The following UBR2 variants were observed in gnomAD, a reference collection of about 807,000 sequenced individuals.
The protein encoded by UBR2 is ubiquitin protein ligase E3 component n-recognin 2.
A neutral mutation model predicts 247.9 loss-of-function variants in UBR2; 92 were observed. That is an observed-to-expected ratio of 0.37 (90% CI 0.31 to 0.44). UBR2 has a LOEUF of 0.44. UBR2 is among the 20% of genes least tolerant of loss of function. UBR2 has a pLI of 1.00. For missense variants in UBR2, 1,613 were observed against 2,112.6 expected (o/e 0.76, Z 4.64); for synonymous variants, 672 against 693.5 (o/e 0.97, Z 0.49).
At position 42,689,707 on chromosome 6, in the gene UBR2, G is replaced by A; in HGVS notation, c.5126+37G>A. ...TCCTGAGTTAGCTAACTCAGGGCCTGCAGCGCCCTTCCGTATGTGGTGACG... is the reference window on the plus strand; with the variant it reads ...TCCTGAGTTAGCTAACTCAGGGCCTACAGCGCCCTTCCGTATGTGGTGACG... On this transcript the variant is annotated intron_variant, in intron 46 of 46. Transcript: ENST00000372901. This position sits in a 1 kb window ranked among gnomAD's most constrained non-coding sequence, Gnocchi z 4.0. 1 of 1,576,554 alleles carries A rather than the reference G, an allele frequency of 6.3e-7. No homozygotes were observed. The highest frequency in any genetic ancestry group is 8.7e-7 in the Non-Finnish European group (1 of 1,146,156).
chr6:42,691,000 C>T, intron 46 of UBR2, 32 bp from the exon 47 acceptor site: 6 of 1,612,552 alleles, frequency 3.7e-6, no homozygotes, highest in South Asian at 1.1e-5. Flanking sequence ...AAACAGAACA[C>T]ATTCTGAGTG....
chr6:42,681,134 G>A (rs1457477221), intron 42 of UBR2, among the ~76,000 whole-genome samples: 1 of 144,444 alleles, frequency 6.9e-6, no homozygotes, highest in African/African-American at 2.6e-5. Context: ...CTGCACTCCA[G>A]CCTGGGGGAC....
intron 25 of UBR2, among the ~76,000 whole-genome samples, chr6:42,654,106 A>G (rs904558075): frequency 2.0e-5 from 3 of 152,144 alleles, no homozygotes; most frequent in South Asian, 2.1e-4. Context: ...CTGAGTAGCT[A>G]TCATTCTTTC....
Position 42,689,776 on chromosome 6 carries a change from T to A in UBR2, c.5126+106T>A. The A allele has an allele frequency of 9.9e-7, 1 of 1,005,546 alleles. No homozygotes were observed. Among genetic ancestry groups the A allele is most frequent in the Non-Finnish European group, 1.6e-6 (1 of 641,616 alleles). The allele number at this position is 1,005,546 out of a possible 1,614,324, so 62.3% of individuals were successfully genotyped here. On this transcript the variant is annotated intron_variant, in intron 46 of 46. Coordinates refer to ENST00000372901, the MANE Select transcript of UBR2 (RefSeq NM_001363705.2). This position sits in a 1 kb window ranked among gnomAD's most constrained non-coding sequence, Gnocchi z 4.0. ...GAGGTGGTTCTGGAAGAGGTGGCTG[T>A]GTTATCTGTGGAGTCTTCCAAGGAG...
intron 44 of UBR2, among the ~76,000 whole-genome samples, chr6:42,687,677 A>T (rs996362186): frequency 6.6e-6 from 1 of 152,038 alleles, no homozygotes; most frequent in Non-Finnish European, 1.5e-5. Flanking sequence ...AGTAGCTGGG[A>T]CTACAGGTGC....
chr6:42,658,463 T>C, intron 28 of UBR2, 143 bp downstream of exon 28: 1 of 1,110,900 alleles, frequency 9.0e-7, no homozygotes, highest in Non-Finnish European at 1.3e-6. Flanking sequence ...CTATTTGTTG[T>C]AGCAATTTTT....
chr6:42,607,710 C>T (rs1181560638), intron 7 of UBR2, among the ~76,000 whole-genome samples: 2 of 52,892 alleles, frequency 3.8e-5, no homozygotes, highest in Admixed American at 1.8e-4. Flanking sequence ...CCACTCCCAG[C>T]TGTTTTTTTT....
intron 7 of UBR2, among the ~76,000 whole-genome samples, chr6:42,610,886 C>G (rs1212441763): frequency 6.7e-6 from 1 of 148,572 alleles, no homozygotes; most frequent in Non-Finnish European, 1.5e-5. Flanking sequence ...GCTCTTGTTG[C>G]TCAGGTTGGA....
chr6:42,643,622 C>T lies in UBR2; in HGVS notation c.2098-592C>T, dbSNP rs552404017. On this transcript the variant is annotated intron_variant, in intron 18 of 46. Coordinates refer to ENST00000372901, the MANE Select transcript of UBR2 (RefSeq NM_001363705.2). ...AAAAATAAATAAATAAAAATAAAGT[C>T]AAGAAATGTATATTTCAAAAAAATA... 2.0e-5 allele frequency among the ~76,000 whole-genome samples: 3 copies of T among 151,978 alleles called. No individual in the cohort carries two copies. The East Asian group carries it at 5.8e-4, about 29-fold the overall frequency.
chr6:42,671,780 A>G (rs1282732075), intron 36 of UBR2, among the ~76,000 whole-genome samples: 2 of 152,050 alleles, frequency 1.3e-5, no homozygotes, highest in East Asian at 3.9e-4. Flanking sequence ...GTCATTTTTA[A>G]ACCTCCAGAG....
At position 42,659,922 on chromosome 6, in the gene UBR2, C is replaced by T. The variant is rs927047383; in HGVS notation, c.3442+67C>T. 6 of 1,493,998 alleles carry T rather than the reference C, an allele frequency of 4.0e-6. No individual in the cohort carries two copies. The highest frequency in any genetic ancestry group is 2.8e-5 in the African/African-American group (2 of 71,680). The allele number at this position is 1,493,998 out of a possible 1,614,324, so 92.5% of individuals were successfully genotyped here. A position where few individuals can be genotyped will look rare whatever the true frequency, so the allele number is the denominator to read the frequency against. On this transcript the variant is annotated intron_variant, in intron 30 of 46. Coordinates refer to ENST00000372901, the MANE Select transcript of UBR2 (RefSeq NM_001363705.2). The surrounding 1 kb of genome is among the most constrained non-coding windows in gnomAD (Gnocchi z 4.3). ...CTGCCAGTTAATGTGGTTGGTGATACGTTGAGATTTTTTAAACCTAAAAAT... is the reference window on the plus strand; with the variant it reads ...CTGCCAGTTAATGTGGTTGGTGATATGTTGAGATTTTTTAAACCTAAAAAT...
intron 40 of UBR2, among the ~76,000 whole-genome samples, 178 bp downstream of exon 40, chr6:42,677,051 AAT>A (rs1294986092): frequency 2.6e-5 from 4 of 152,216 alleles, no homozygotes; most frequent in Non-Finnish European, 4.4e-5. Context: ...CATAATTGGA[AAT>A]CTGGGAGAAA....
At chr6:42,646,186 C>G (rs1350925773) in intron 21 of UBR2, among the ~76,000 whole-genome samples, 1 of 152,090 alleles carries the variant, frequency 6.6e-6, no homozygotes, top group African/African-American at 2.4e-5. Flanking sequence ...GAAACTCAAC[C>G]CTTATAATTG....
At chr6:42,640,995 C>T (rs1796413118) in intron 16 of UBR2, among the ~76,000 whole-genome samples, 1 of 151,978 alleles carries the variant, frequency 6.6e-6, no homozygotes, top group Non-Finnish European at 1.5e-5. Context: ...TCCCAAAGTG[C>T]TGAGATTACA....
At chr6:42,586,538 C>CTTTTTTTTTTTTTTTTT (rs147830824) in intron 2 of UBR2, among the ~76,000 whole-genome samples, 14 of 97,256 alleles carry the variant, frequency 1.4e-4, no homozygotes, top group African/African-American at 2.1e-4. Context: ...GTTTGTCTCT[C>CTTTTTTTTTTTTTTTTT]TTTTTTTTTT....
intron 22 of UBR2, among the ~76,000 whole-genome samples, chr6:42,648,395 A>G (rs1319610183): frequency 6.6e-6 from 1 of 152,204 alleles, no homozygotes; most frequent in Non-Finnish European, 1.5e-5. Flanking sequence ...TTTTCGTCAC[A>G]TTCAGAATAG....
chr6:42,624,339 G>T lies in UBR2; in HGVS notation c.1281+6832G>T, dbSNP rs575310447. ...TTTTTTAGTGTTTGTTGAGTTGGTGGGGGGGGTGTTGCTTTGTTGCCCAGG... is the reference window on the plus strand; with the variant it reads ...TTTTTTAGTGTTTGTTGAGTTGGTGTGGGGGGTGTTGCTTTGTTGCCCAGG... On this transcript the variant is annotated intron_variant, in intron 11 of 46. Coordinates refer to ENST00000372901, the MANE Select transcript of UBR2 (RefSeq NM_001363705.2). 4.9e-3 allele frequency among the ~76,000 whole-genome samples: 727 copies of T among 149,846 alleles called. 2 individuals carry two copies. Among genetic ancestry groups the T allele is most frequent in the Non-Finnish European group, 7.5e-3 (510 of 67,690 alleles).
chr6:42,628,057 C>T (rs1795466216), intron 11 of UBR2, among the ~76,000 whole-genome samples: 1 of 152,108 alleles, frequency 6.6e-6, no homozygotes, highest in Admixed American at 6.6e-5. Flanking sequence ...CCAGAATAGA[C>T]AAATGCTGAG....
At chr6:42,614,346 A>ATATATGTG (rs1794341530) in intron 8 of UBR2, among the ~76,000 whole-genome samples, 14 of 62,046 alleles carry the variant, frequency 2.3e-4, no homozygotes, top group African/African-American at 4.6e-4. Context: ...GTATGTGTGT[A>ATATATGTG]TGTATGTGTG....
Sources: gnomAD v4.1 joint callset for allele counts (sites outside exome capture counted in the v4.1 genomes callset) on GRCh38, gnomAD v4.1.1 for gene constraint, Gnocchi (gnomAD v3.1) non-coding constraint, MANE v1.5 for transcripts, NCBI Gene and HGNC (gene_info 2026-07-23, HGNC 2026-07-21) for gene names.